The following ZNF611 variants were observed in gnomAD, a reference collection of about 807,000 sequenced individuals.
ZNF611 encodes zinc finger protein 611.
In ZNF611, 6 loss-of-function variants were observed where a neutral mutation model predicts 8.9. The observed-to-expected ratio is 0.68, with a 90% CI of 0.37 to 1.34. ZNF611 has a LOEUF of 1.34. ZNF611 is among the 40% of genes most tolerant of loss of function. ZNF611 has a pLI of 0.02. For missense variants in ZNF611, 874 were observed against 841.3 expected (o/e 1.04, Z -0.48); for synonymous variants, 262 against 279.7 (o/e 0.94, Z 0.63).
chr19:52,729,368 C>T (rs1330676752), intron 2 of ZNF611, among the ~76,000 whole-genome samples: 1 of 151,604 alleles, frequency 6.6e-6, no homozygotes, highest in Non-Finnish European at 1.5e-5. Flanking sequence ...TGGCTTGCGC[C>T]TGCAGTCCCA....
At chr19:52,713,663 G>A (rs1227565243) in intron 5 of ZNF611, among the ~76,000 whole-genome samples, 1 of 152,144 alleles carries the variant, frequency 6.6e-6, no homozygotes, top group Non-Finnish European at 1.5e-5. Context: ...AGGCCGAGGT[G>A]GGTGGATCAC....
At chr19:52,712,242 A>G (rs1377610021) in intron 5 of ZNF611, among the ~76,000 whole-genome samples, 1 of 151,982 alleles carries the variant, frequency 6.6e-6, no homozygotes, top group Non-Finnish European at 1.5e-5. Context: ...ACTAAACTCC[A>G]TGAAGAGTAC....
intron 3 of ZNF611, among the ~76,000 whole-genome samples, chr19:52,721,751 G>A (rs906442825): frequency 6.6e-6 from 1 of 152,040 alleles, no homozygotes; most frequent in South Asian, 2.1e-4. Flanking sequence ...GGGAGAGAGA[G>A]AGGGAGAGGG....
chr19:52,704,705 C>A lies in ZNF611; in HGVS notation c.*232G>T. On this transcript the variant is annotated 3_prime_UTR_variant, in exon 6 of 6. Coordinates refer to ENST00000652185, the MANE Select transcript of ZNF611 (RefSeq NM_001161499.2). Reference sequence around the variant, plus strand: ...TTACATTAGTCAAGTTTCCCTACACCATGAATTGCCTGATGGTGAATAAGT... The same window carrying A: ...TTACATTAGTCAAGTTTCCCTACACAATGAATTGCCTGATGGTGAATAAGT... The A allele has an allele frequency of 6.3e-7, 1 of 1,598,342 alleles. No homozygotes were observed. Among genetic ancestry groups the A allele is most frequent in the Non-Finnish European group, 8.6e-7 (1 of 1,167,404 alleles).
At position 52,704,885 on chromosome 19, in the gene ZNF611, T is replaced by C; in HGVS notation, c.*52A>G. ...TTTCTCTCCAGTATAAATTCTCCTATGTCTTTAAGGTGTGATTTCCAAATG... is the reference window on the plus strand; with the variant it reads ...TTTCTCTCCAGTATAAATTCTCCTACGTCTTTAAGGTGTGATTTCCAAATG... On this transcript the variant is annotated 3_prime_UTR_variant, in exon 6 of 6. Transcript: ENST00000652185. 5 of 1,610,234 alleles carry C rather than the reference T, an allele frequency of 3.1e-6. No homozygotes were observed. The South Asian group carries it at 3.3e-5, about 11-fold the overall frequency.
At chr19:52,734,323 C>G (rs181902146) in intron 1 of ZNF611, among the ~76,000 whole-genome samples, 1 of 151,844 alleles carries the variant, frequency 6.6e-6, no homozygotes, top group Admixed American at 6.6e-5. Context: ...TCTCCTGATT[C>G]CTTTGGCCCA....
intron 3 of ZNF611, chr19:52,720,951 C>T (rs539103715): frequency 4.3e-4 from 62 of 143,826 alleles, no homozygotes; most frequent in African/African-American, 1.7e-3. Context: ...CGGGCAGAGG[C>T]ACTCCTCACT....
At chr19:52,719,116 T>A (rs2062337303) in intron 3 of ZNF611, among the ~76,000 whole-genome samples, 1 of 151,264 alleles carries the variant, frequency 6.6e-6, no homozygotes, top group South Asian at 2.1e-4. Flanking sequence ...TTGCAGTGAG[T>A]CAAGATCACT....
At chr19:52,728,569 T>C (rs2062406358) in intron 3 of ZNF611, among the ~76,000 whole-genome samples, 161 bp downstream of exon 3, 1 of 151,084 alleles carries the variant, frequency 6.6e-6, no homozygotes, top group African/African-American at 2.5e-5. Flanking sequence ...AAAGAAAGAA[T>C]ACTACCCTCA....
intron 3 of ZNF611, chr19:52,717,550 A>G (rs935086369): frequency 3.0e-6 from 1 of 330,794 alleles, no homozygotes; most frequent in Non-Finnish European, 4.3e-6. Context: ...AATATACACA[A>G]CTGTGCACAC....
At chr19:52,729,492 C>CAAAAAAGAAAAAAAA (rs2062411632) in intron 2 of ZNF611, among the ~76,000 whole-genome samples, 1 of 42,354 alleles carries the variant, frequency 2.4e-5, no homozygotes, top group Non-Finnish European at 3.6e-5. Context: ...GACTCCATCT[C>CAAAAAAGAAAAAAAA]AAAAAAAAAA....
At chr19:52,719,318 C>G (rs549868479) in intron 3 of ZNF611, among the ~76,000 whole-genome samples, 2 of 141,418 alleles carry the variant, frequency 1.4e-5, no homozygotes, top group South Asian at 4.2e-4. Flanking sequence ...GTAACAGAGA[C>G]TCAGTCACTT....
At chr19:52,723,955 C>G (rs1461432807) in intron 3 of ZNF611, 1 of 152,280 alleles carries the variant, frequency 6.6e-6, no homozygotes, top group Admixed American at 6.5e-5. Flanking sequence ...ACCAGCATGT[C>G]TCACCTACAG....
chr19:52,714,735 G>A (rs74978686), intron 4 of ZNF611, among the ~76,000 whole-genome samples: 1 of 48,024 alleles, frequency 2.1e-5, no homozygotes. Context: ...GGCAGTGACT[G>A]TCACCTGTAA....
intron 1 of ZNF611, among the ~76,000 whole-genome samples, chr19:52,732,675 G>A (rs562559142): frequency 1.8e-4 from 28 of 151,434 alleles, no homozygotes; most frequent in African/African-American, 6.1e-4. Context: ...GCTCCTCCCT[G>A]TAATCCCACC....
At chr19:52,717,633 T>A (rs1246804393) in intron 3 of ZNF611, 7 of 965,626 alleles carry the variant, frequency 7.2e-6, no homozygotes, top group Admixed American at 6.2e-5. Context: ...GCTTTTCTCA[T>A]GAACACATGG....
rs2062226861 is a variant in ZNF611, at chr19:52,704,662, A to C, written c.*275T>G. ...ATTTGTAATCGTTGTAGCATTACTG[A>C]AGACTTTGTGACAATCATTACATTA... On this transcript the variant is annotated 3_prime_UTR_variant, in exon 6 of 6. Transcript: ENST00000652185. 6.3e-7 allele frequency: 1 copy of C among 1,591,506 alleles called. No individual in the cohort carries two copies. Among genetic ancestry groups the C allele is most frequent in the Non-Finnish European group, 8.6e-7 (1 of 1,160,288 alleles).
chr19:52,706,348 C>T lies in ZNF611; in HGVS notation c.707G>A (p.Ser236Asn). ...TGAGCTACAATTAAAGGCTTTGCCACTCTTATTACATTGGAAAGATTTTTC... is the reference window on the plus strand; with the variant it reads ...TGAGCTACAATTAAAGGCTTTGCCATTCTTATTACATTGGAAAGATTTTTC... ...MREKSFQCNK[S>N]GKAFNCSSLL... Residue 236 changes from serine (S) to asparagine (N), a missense_variant, in exon 6 of 6, where the codon AGT becomes AAT. Coordinates refer to ENST00000652185, the MANE Select transcript of ZNF611 (RefSeq NM_001161499.2). 1.2e-6 allele frequency: 2 copies of T among 1,614,158 alleles called. No homozygotes were observed. Among genetic ancestry groups the T allele is most frequent in the East Asian group, 2.2e-5 (1 of 44,876 alleles).
intron 3 of ZNF611, among the ~76,000 whole-genome samples, chr19:52,726,107 C>CT (rs1470577280): frequency 6.6e-6 from 1 of 152,154 alleles, no homozygotes; most frequent in African/African-American, 2.4e-5. Context: ...ACTCCTCTCC[C>CT]TTTCTATTCT....
Sources: allele counts gnomAD v4.1 joint callset (sites outside exome capture counted in the v4.1 genomes callset), GRCh38; gene constraint gnomAD v4.1.1; transcripts MANE v1.5; gene names NCBI Gene and HGNC (gene_info 2026-07-23, HGNC 2026-07-21).